The following TMIGD3 variants were observed in gnomAD, a reference collection of about 807,000 sequenced individuals.
TMIGD3 encodes AD026 protein (AD026).
A neutral mutation model predicts 28.1 loss-of-function variants in TMIGD3; 21 were observed. The observed-to-expected ratio is 0.75, with a 90% CI of 0.53 to 1.08. The LOEUF (loss-of-function observed/expected upper bound fraction) is 1.08. TMIGD3 is among the 50% of genes least tolerant of loss of function. The pLI, the probability that TMIGD3 is intolerant of heterozygous loss-of-function variation, is 0.00. For missense variants in TMIGD3, 416 were observed against 435.6 expected, an observed-to-expected ratio of 0.96 and a Z score of 0.40; for synonymous variants, 151 against 162.1, an observed-to-expected ratio of 0.93 and a Z score of 0.52.
chr1:111,489,459 GA>G, intron 2 of TMIGD3: 1 of 715,528 alleles, frequency 1.4e-6, no homozygotes, highest in Non-Finnish European at 1.8e-6. Flanking sequence ...CCTCGATCTT[GA>G]ACTTACCACC....
intron 5 of TMIGD3, among the ~76,000 whole-genome samples, chr1:111,484,771 T>C (rs1232001984): frequency 6.6e-6 from 1 of 152,230 alleles, no homozygotes; most frequent in Non-Finnish European, 1.5e-5. Context: ...TTCTTCTACA[T>C]TTCCATACCC....
chr1:111,500,151 G>A, intron 1 of TMIGD3: 1 of 1,614,186 alleles, frequency 6.2e-7, no homozygotes, highest in Non-Finnish European at 8.5e-7. Context: ...TAAAGTAGAT[G>A]ATGCAGTTGA....
chr1:111,512,980 A>G (rs980660621), intron 1 of TMIGD3, among the ~76,000 whole-genome samples: 1 of 152,174 alleles, frequency 6.6e-6, no homozygotes, highest in Non-Finnish European at 1.5e-5. Flanking sequence ...CACCCTTGCC[A>G]AGAAGCAGTG....
At chr1:111,543,027 AC>A (rs1656901171) in intron 1 of TMIGD3, among the ~76,000 whole-genome samples, 1 of 152,148 alleles carries the variant, frequency 6.6e-6, no homozygotes, top group South Asian at 2.1e-4. Flanking sequence ...ACCATGAGAA[AC>A]TAAAATCAAA....
chr1:111,507,784 A>C (rs1472869823), upstream of TMIGD3, among the ~76,000 whole-genome samples: 2 of 152,120 alleles, frequency 1.3e-5, no homozygotes, highest in Non-Finnish European at 2.9e-5. Context: ...AAAGCCTTAC[A>C]TTTTTATAGA....
chr1:111,546,525 G>A (rs1657039198), intron 1 of TMIGD3, among the ~76,000 whole-genome samples: 2 of 152,048 alleles, frequency 1.3e-5, no homozygotes, highest in South Asian at 4.1e-4. Flanking sequence ...CATAATACTT[G>A]TCCTTTTGTG....
At chr1:111,559,359 A>G (rs188901318) in intron 1 of TMIGD3, among the ~76,000 whole-genome samples, 122 of 152,328 alleles carry the variant, frequency 8.0e-4, no homozygotes, top group African/African-American at 2.9e-3. Flanking sequence ...AACACCCACT[A>G]TTAGGCATTT....
chr1:111,498,491 T>A (rs1654994337), intron 1 of TMIGD3, among the ~76,000 whole-genome samples: 1 of 152,192 alleles, frequency 6.6e-6, no homozygotes, highest in African/African-American at 2.4e-5. Context: ...TACAAAGCTG[T>A]AGTTTGTGCC....
At chr1:111,533,935 G>C (rs1656536389) in intron 1 of TMIGD3, among the ~76,000 whole-genome samples, 2 of 151,956 alleles carry the variant, frequency 1.3e-5, no homozygotes. Context: ...TTACTAGTTG[G>C]GTGACTTTGG....
chr1:111,490,554 C>T (rs1199382529), intron 2 of TMIGD3, 102 bp downstream of exon 2: 14 of 811,390 alleles, frequency 1.7e-5, no homozygotes, highest in Admixed American at 4.5e-5. Context: ...TTAGATGGTT[C>T]GAGTTAATAA....
chr1:111,524,328 C>T (rs1656188355), intron 1 of TMIGD3, among the ~76,000 whole-genome samples: 1 of 152,072 alleles, frequency 6.6e-6, no homozygotes, highest in East Asian at 1.9e-4. Context: ...CGCGCCCGGC[C>T]TTCTTTTTCT....
intron 1 of TMIGD3, among the ~76,000 whole-genome samples, chr1:111,493,199 C>T (rs930401596): frequency 1.3e-5 from 2 of 152,130 alleles, no homozygotes; most frequent in African/African-American, 2.4e-5. Context: ...ATATTTGACC[C>T]TCCAAACCTC....
At chr1:111,536,556 TAC>T (rs1171907126) in intron 1 of TMIGD3, among the ~76,000 whole-genome samples, 2 of 152,246 alleles carry the variant, frequency 1.3e-5, no homozygotes. Context: ...AGCAGGAGTT[TAC>T]CAGGACTGAG....
rs1655251183 is a variant in TMIGD3 at position 111,502,241 on chromosome 1, ATATATTTATTATAATAAATATATAG to A, written c.350+739_350+763del. On this transcript the variant is annotated intron_variant, in intron 1 of 5. Coordinates refer to ENST00000369716, the MANE Select transcript of TMIGD3 (RefSeq NM_020683.7). ...ATATTTATTATAATGAATATATAGG[ATATATTTATTATAATAAATATATAG>A]GATATATATTCATTATAATAAATAT... Among the ~76,000 whole-genome samples, 5 of 21,306 alleles carry A rather than the reference ATATATTTATTATAATAAATATATAG, an allele frequency of 2.3e-4. 1 individual carries two copies. The highest frequency in any genetic ancestry group is 7.1e-4 in the Admixed American group (1 of 1,404). The allele number at this position is 21,306 out of a possible 152,430, so 14.0% of individuals were successfully genotyped here.
chr1:111,536,160 T>G (rs960195373), intron 1 of TMIGD3, among the ~76,000 whole-genome samples: 7 of 152,126 alleles, frequency 4.6e-5, no homozygotes, highest in African/African-American at 1.7e-4. Flanking sequence ...CTCCTGTGCC[T>G]CATACATTCG....
intron 1 of TMIGD3, among the ~76,000 whole-genome samples, chr1:111,534,781 G>T (rs983510423): frequency 3.9e-5 from 6 of 152,084 alleles, no homozygotes; most frequent in African/African-American, 1.2e-4. Context: ...ATGAGAATGT[G>T]CATGTGCATA....
At chr1:111,542,794 T>A (rs1656886579) in intron 1 of TMIGD3, among the ~76,000 whole-genome samples, 1 of 152,132 alleles carries the variant, frequency 6.6e-6, no homozygotes, top group Non-Finnish European at 1.5e-5. Context: ...CCTCCCGGGT[T>A]CAAGTGATTC....
At chr1:111,534,303 G>A (rs1656566136) in intron 1 of TMIGD3, among the ~76,000 whole-genome samples, 1 of 152,088 alleles carries the variant, frequency 6.6e-6, no homozygotes, top group African/African-American at 2.4e-5. Context: ...TTAAATCCAA[G>A]GTGTAAGAAA....
rs1358325670 is a variant in TMIGD3, at chr1:111,543,637, A to T, written c.107+20209T>A. The stretch of plus-strand genomic sequence containing the variant: ...GAAGAGAAGGAGGAATAGGAGGAGG[A>T]AGAGAAGGAGGAATAGGAGGAGGAA... On this transcript the variant is annotated intron_variant, in intron 1 of 5. Transcript: ENST00000369717. Among the ~76,000 whole-genome samples the T allele has an allele frequency of 4.0e-5, 6 of 149,612 alleles. No homozygotes were observed. The East Asian group carries it at 9.8e-4, about 25-fold the overall frequency.
Sources: gnomAD v4.1 joint callset for allele counts (sites outside exome capture counted in the v4.1 genomes callset) on GRCh38, gnomAD v4.1.1 for gene constraint, MANE v1.5 for transcripts, NCBI Gene and HGNC (gene_info 2026-07-23, HGNC 2026-07-21) for gene names.